DIP2C: variants seen among roughly 807,000 people sequenced by gnomAD.
The protein encoded by DIP2C is DIP2 acetate--CoA ligase C (putative).
Under a neutral mutation model 192.4 loss-of-function variants are expected in DIP2C, and 33 were observed. The observed-to-expected ratio is 0.17, with a 90% CI of 0.13 to 0.23. The LOEUF is 0.23. Ranked by LOEUF, DIP2C falls within the 10% of genes least tolerant of loss-of-function variation. The probability of loss-of-function intolerance (pLI) is 1.00; values close to 1 mark genes in which losing one functional copy is unlikely to be tolerated. For synonymous variants in DIP2C, 979 were observed against 864.1 expected (o/e 1.13, Z -2.33); for missense variants, 1,537 against 2,110.1 (o/e 0.73, Z 5.32).
At chr10:543,758 A>G (rs1848129028) in intron 1 of DIP2C, among the ~76,000 whole-genome samples, 1 of 152,256 alleles carries the variant, frequency 6.6e-6, no homozygotes, top group African/African-American at 2.4e-5. Flanking sequence ...ATTGAAAAGC[A>G]TTTACAAACC....
intron 1 of DIP2C, among the ~76,000 whole-genome samples, chr10:596,741 C>T (rs1310177177): frequency 2.0e-5 from 3 of 152,116 alleles, no homozygotes; most frequent in Admixed American, 2.0e-4. Flanking sequence ...CTTCACAGAG[C>T]ACCCGGCTCA....
At chr10:576,467 A>G (rs550245369) in intron 1 of DIP2C, among the ~76,000 whole-genome samples, 33 of 152,344 alleles carry the variant, frequency 2.2e-4, no homozygotes, top group African/African-American at 5.8e-4. Flanking sequence ...CCCATCCGGC[A>G]TTCCTTCAGA....
intron 4 of DIP2C, among the ~76,000 whole-genome samples, chr10:424,566 A>G (rs1966449020): frequency 6.6e-6 from 1 of 151,932 alleles, no homozygotes; most frequent in South Asian, 2.1e-4. Context: ...GGGTTTCACC[A>G]TGCTGGCCAG....
At chr10:462,333 G>T (rs903247134) in intron 3 of DIP2C, among the ~76,000 whole-genome samples, 1 of 152,122 alleles carries the variant, frequency 6.6e-6, no homozygotes, top group Non-Finnish European at 1.5e-5. Flanking sequence ...AATAAGAAAT[G>T]ATAAAGGGGA....
chr10:592,305 C>T (rs1164194129), intron 1 of DIP2C, among the ~76,000 whole-genome samples: 1 of 152,132 alleles, frequency 6.6e-6, no homozygotes, highest in East Asian at 1.9e-4. Context: ...GTAATGAGGG[C>T]TCATGTTGCC....
chr10:427,807 G>C (rs772495213), intron 4 of DIP2C, among the ~76,000 whole-genome samples: 1 of 152,264 alleles, frequency 6.6e-6, no homozygotes, highest in Non-Finnish European at 1.5e-5. Flanking sequence ...ATATACTGCT[G>C]GTGGCAGTAT....
At chr10:479,848 T>A (rs2133505144) in intron 2 of DIP2C, among the ~76,000 whole-genome samples, 1 of 148,278 alleles carries the variant, frequency 6.7e-6, no homozygotes, top group South Asian at 2.2e-4. Flanking sequence ...GGATGAGGGT[T>A]CTCATCCGGC....
At chr10:356,561 G>GGTT in intron 23 of DIP2C, 55 bp from the exon 24 acceptor site, 2 of 1,495,694 alleles carry the variant, frequency 1.3e-6, no homozygotes, top group Non-Finnish European at 9.1e-7. Context: ...CAGGCTGTGC[G>GGTT]GGCTGAGGTG....
Position 345,057 on chromosome 10 carries a change from C to G in DIP2C, c.3285G>C (p.Arg1095=). 1 of 1,613,778 alleles carries G rather than the reference C, an allele frequency of 6.2e-7. No individual in the cohort carries two copies. Among genetic ancestry groups the G allele is most frequent in the East Asian group, 2.2e-5 (1 of 44,886 alleles). The change falls in exon 27 of 37, where the codon CGG becomes CGC. Residue 1095 remains arginine (R), a synonymous_variant. Transcript: ENST00000280886. The stretch of plus-strand genomic sequence containing the variant: ...CCACAGCCGCCGCCGCCTCCCTGGA[C>G]CGCAGCAACTTACAGATCAGCTGTG... ...MTTQLICKLL[R]SREAAAAVDV... is the part of the protein sequence containing the mutation.
intron 31 of DIP2C, chr10:324,888 T>G: frequency 1.9e-6 from 1 of 526,786 alleles, no homozygotes; most frequent in South Asian, 1.4e-5. Flanking sequence ...CTGCGCTGTT[T>G]TTCTTTCATC....
chr10:291,881 A>T (rs1433408501), intron 32 of DIP2C, among the ~76,000 whole-genome samples: 1 of 152,214 alleles, frequency 6.6e-6, no homozygotes, highest in Non-Finnish European at 1.5e-5. Context: ...CTGGAGGGAG[A>T]TGCAGAGGTC....
chr10:598,591 AC>A (rs964392584), intron 1 of DIP2C, among the ~76,000 whole-genome samples: 2 of 104,626 alleles, frequency 1.9e-5, no homozygotes, highest in South Asian at 3.0e-4. Context: ...ACCCCTCCCC[AC>A]CCCCTCCTAG....
chr10:435,931 T>C (rs1403736585), intron 4 of DIP2C, among the ~76,000 whole-genome samples: 5 of 152,186 alleles, frequency 3.3e-5, no homozygotes, highest in Non-Finnish European at 7.3e-5. Context: ...GAATCCTATA[T>C]AGAACTTTAA....
chr10:282,512 C>G (rs1418756877), intron 35 of DIP2C, among the ~76,000 whole-genome samples: 1 of 152,200 alleles, frequency 6.6e-6, no homozygotes. Context: ...TTTGGTGAGT[C>G]AAGATCTCAC....
chr10:565,606 C>A (rs990584829), intron 1 of DIP2C, among the ~76,000 whole-genome samples: 1 of 152,228 alleles, frequency 6.6e-6, no homozygotes, highest in Admixed American at 6.5e-5. Context: ...GGAATTCACA[C>A]ATGCTAAAGG....
intron 1 of DIP2C, among the ~76,000 whole-genome samples, chr10:642,193 A>G (rs976040635): frequency 6.6e-6 from 1 of 152,222 alleles, no homozygotes; most frequent in Admixed American, 6.5e-5. Flanking sequence ...CTGCCCTTTC[A>G]GATCCTGGCC....
chr10:445,309 T>C (rs1400049430), intron 3 of DIP2C, among the ~76,000 whole-genome samples: 1 of 152,110 alleles, frequency 6.6e-6, no homozygotes, highest in African/African-American at 2.4e-5. Context: ...TGGACATCTG[T>C]ATACATCTGT....
intron 1 of DIP2C, among the ~76,000 whole-genome samples, chr10:507,658 C>G (rs1217716294): frequency 6.6e-6 from 1 of 152,192 alleles, no homozygotes; most frequent in African/African-American, 2.4e-5. Context: ...AGATATTTCC[C>G]AAAAGCTCGT....
At chr10:432,517 T>C (rs959800549) in intron 4 of DIP2C, among the ~76,000 whole-genome samples, 1 of 152,240 alleles carries the variant, frequency 6.6e-6, no homozygotes, top group Admixed American at 6.5e-5. Context: ...ATGGGACCTG[T>C]AGTTATGTCC....
Sources: allele counts gnomAD v4.1 joint callset (sites outside exome capture counted in the v4.1 genomes callset), GRCh38; gene constraint gnomAD v4.1.1; transcripts MANE v1.5; gene names NCBI Gene and HGNC (gene_info 2026-07-23, HGNC 2026-07-21).